The following KLRG1 variants were observed in gnomAD, a reference collection of about 807,000 sequenced individuals.
KLRG1 encodes killer cell lectin like receptor G1.
Under a neutral mutation model 21.8 loss-of-function variants are expected in KLRG1, and 16 were observed. The ratio of observed to expected loss-of-function variants is 0.73; its 90% confidence interval spans 0.50 to 1.11. KLRG1 has a LOEUF of 1.11. Ranked by LOEUF, KLRG1 falls within the 50% of genes most tolerant of loss-of-function variation. KLRG1 has a pLI of 0.00. For missense variants in KLRG1, 173 were observed against 218.3 expected (o/e 0.79, Z 1.31); for synonymous variants, 69 against 75.9 (o/e 0.91, Z 0.47).
At chr12:9,072,621 C>G in the KLRG1 span, 8 of 1,609,088 alleles carry the variant, frequency 5.0e-6, no homozygotes, top group East Asian at 1.6e-4. Flanking sequence ...CTGTCCTCAT[C>G]TGTCCTGTCC....
chr12:9,141,311 C>T, the KLRG1 span, among the ~76,000 whole-genome samples: 1 of 152,124 alleles, frequency 6.6e-6, no homozygotes, highest in African/African-American at 2.4e-5. Flanking sequence ...TGATTTTATA[C>T]CAAATAAGCT....
chr12:9,143,491 G>T, the KLRG1 span, among the ~76,000 whole-genome samples: 2 of 152,090 alleles, frequency 1.3e-5, no homozygotes, highest in Non-Finnish European at 2.9e-5. Flanking sequence ...GGTTTAGAAG[G>T]AAGGAATTTC....
At chr12:9,194,039 T>C in the KLRG1 span, 1 of 1,568,324 alleles carries the variant, frequency 6.4e-7, no homozygotes, top group Non-Finnish European at 8.8e-7. Context: ...GTTCCTAACA[T>C]TTCCTTTGTC....
the KLRG1 span, among the ~76,000 whole-genome samples, chr12:9,207,344 AC>A: frequency 6.6e-6 from 1 of 152,120 alleles, no homozygotes; most frequent in Non-Finnish European, 1.5e-5. Context: ...CTATTATTGG[AC>A]CCAAGAGTTC....
chr12:9,083,143 G>A, the KLRG1 span, among the ~76,000 whole-genome samples: 59,912 of 151,828 alleles, frequency 0.39, 12,888 homozygotes, highest in African/African-American at 0.55. Flanking sequence ...TGCAAGGACA[G>A]AAAAACAAAC....
At chr12:9,082,944 A>G in the KLRG1 span, among the ~76,000 whole-genome samples, 1 of 152,208 alleles carries the variant, frequency 6.6e-6, no homozygotes, top group African/African-American at 2.4e-5. Context: ...CAGTAATGGG[A>G]TGGCTGGGTC....
At chr12:9,148,607 A>G in the KLRG1 span, among the ~76,000 whole-genome samples, 1 of 152,078 alleles carries the variant, frequency 6.6e-6, no homozygotes, top group East Asian at 1.9e-4. Flanking sequence ...TGACCCTTCC[A>G]GTCCAGTTAT....
chr12:9,089,684 T>C, the KLRG1 span, among the ~76,000 whole-genome samples: 37 of 152,206 alleles, frequency 2.4e-4, no homozygotes, highest in African/African-American at 8.7e-4. Context: ...GAGGTTGCAG[T>C]GAGCAGAGAT....
chr12:8,978,602 G>C (rs1946695719), intron 1 of KLRG1, among the ~76,000 whole-genome samples: 2 of 152,000 alleles, frequency 1.3e-5, no homozygotes, highest in Non-Finnish European at 1.5e-5. Context: ...CCTACTGATA[G>C]TCTTACATGT....
Position 9,009,781 on chromosome 12 carries a change from TTTG to T in KLRG1, c.*247_*249del. On this transcript the variant is annotated 3_prime_UTR_variant, in exon 5 of 5. Coordinates refer to ENST00000356986, the MANE Select transcript of KLRG1 (RefSeq NM_005810.4). ...ATCTAAGCAAATTTTGAAATAGATGTTTGTTTTTTGTATTTCTCAGTATGGAAA... is the reference window on the plus strand; with the variant it reads ...ATCTAAGCAAATTTTGAAATAGATGTTTTTTTGTATTTCTCAGTATGGAAA... 2.1e-6 allele frequency: 3 copies of T among 1,413,438 alleles called. No homozygotes were observed. The highest frequency in any genetic ancestry group is 2.8e-6 in the Non-Finnish European group (3 of 1,090,082). The allele number at this position is 1,413,438 out of a possible 1,614,324, so 87.6% of individuals were successfully genotyped here.
At chr12:9,158,954 A>G in the KLRG1 span, among the ~76,000 whole-genome samples, 4 of 152,028 alleles carry the variant, frequency 2.6e-5, no homozygotes, top group South Asian at 8.3e-4. Flanking sequence ...TACTTTCTGT[A>G]GTTTTAACTC....
chr12:9,138,658 T>A, the KLRG1 span, among the ~76,000 whole-genome samples: 1 of 152,096 alleles, frequency 6.6e-6, no homozygotes, highest in Admixed American at 6.5e-5. Context: ...GGATTTTTGT[T>A]ATTCATTAAA....
chr12:9,207,172 A>G, the KLRG1 span, among the ~76,000 whole-genome samples: 1 of 152,332 alleles, frequency 6.6e-6, no homozygotes, highest in South Asian at 2.1e-4. Flanking sequence ...GGTAACACAC[A>G]GAGCAGAGGG....
the KLRG1 span, among the ~76,000 whole-genome samples, chr12:9,102,867 C>T: frequency 6.6e-6 from 1 of 152,042 alleles, no homozygotes; most frequent in Non-Finnish European, 1.5e-5. Context: ...GCTTTTATGC[C>T]ATCTATTAAA....
chr12:9,208,476 A>G, the KLRG1 span: 1 of 645,878 alleles, frequency 1.5e-6, no homozygotes, highest in Non-Finnish European at 2.8e-6. Context: ...AATAGAGTTC[A>G]GAATTGAGCA....
At chr12:9,185,781 A>C in the KLRG1 span, among the ~76,000 whole-genome samples, 1 of 63,186 alleles carries the variant, frequency 1.6e-5, no homozygotes, top group Non-Finnish European at 3.5e-5. Flanking sequence ...TTTGGGGCCT[A>C]TGTTCAACAT....
the KLRG1 span, chr12:9,104,233 A>T: frequency 5.0e-6 from 8 of 1,605,436 alleles, no homozygotes; most frequent in East Asian, 6.7e-5. Context: ...TTCTTTCCAA[A>T]CTTACCCTAA....
chr12:9,123,135 A>G, the KLRG1 span, among the ~76,000 whole-genome samples: 1 of 152,174 alleles, frequency 6.6e-6, no homozygotes, highest in African/African-American at 2.4e-5. Flanking sequence ...TTATAAATGA[A>G]TTTTAAGTGA....
chr12:9,112,580 G>C, the KLRG1 span: 2 of 1,608,564 alleles, frequency 1.2e-6, no homozygotes, highest in South Asian at 1.1e-5. Context: ...AGCACCCGCA[G>C]GTCTCCTCCC....
Sources: gnomAD v4.1 joint callset for allele counts (sites outside exome capture counted in the v4.1 genomes callset) on GRCh38, gnomAD v4.1.1 for gene constraint, MANE v1.5 for transcripts, NCBI Gene and HGNC (gene_info 2026-07-23, HGNC 2026-07-21) for gene names.